The following PRKN variants were observed in gnomAD, a reference collection of about 807,000 sequenced individuals.
PRKN encodes E3 ubiquitin-protein ligase parkin.
Under a neutral mutation model 59.5 loss-of-function variants are expected in PRKN, and 56 were observed. The observed-to-expected ratio is 0.94, with a 90% CI of 0.76 to 1.18. The LOEUF (loss-of-function observed/expected upper bound fraction) is 1.18. Among genes scored for constraint, PRKN ranks in the 50% most tolerant of loss-of-function variants. The pLI is 0.00. For synonymous variants in PRKN, 250 were observed against 222.1 expected, an observed-to-expected ratio of 1.13 and a Z score of -1.12; for missense variants, 657 against 596.4, an observed-to-expected ratio of 1.10 and a Z score of -1.06.
Position 162,166,480 on chromosome 6 carries a change from C to G in PRKN, c.534+34651G>C, listed in dbSNP as rs1266923465. ...AGGGGCTGAGGCTGTACCACTATATCTTTGCCACAACTCATAACATTCCAC... is the reference window on the plus strand; with the variant it reads ...AGGGGCTGAGGCTGTACCACTATATGTTTGCCACAACTCATAACATTCCAC... On this transcript the variant is annotated intron_variant, in intron 4 of 11. Transcript: ENST00000366898. Among the ~76,000 whole-genome samples the G allele has an allele frequency of 3.3e-5, 5 of 152,180 alleles. No homozygotes were observed. The East Asian group carries it at 9.6e-4, about 29-fold the overall frequency.
intron 2 of PRKN, among the ~76,000 whole-genome samples, chr6:162,273,254 G>A (rs1780473970): frequency 6.6e-6 from 1 of 152,046 alleles, no homozygotes; most frequent in Non-Finnish European, 1.5e-5. Flanking sequence ...TGGGTTAAAG[G>A]GATCGAATGG....
At chr6:161,478,391 T>C (rs545571813) in intron 9 of PRKN, among the ~76,000 whole-genome samples, 1 of 152,376 alleles carries the variant, frequency 6.6e-6, no homozygotes, top group East Asian at 1.9e-4. Flanking sequence ...ATTGCACTTA[T>C]TAATAAAATA....
At chr6:161,853,523 TA>T (rs1392458556) in intron 6 of PRKN, among the ~76,000 whole-genome samples, 2 of 152,232 alleles carry the variant, frequency 1.3e-5, no homozygotes, top group African/African-American at 2.4e-5. Context: ...TGCTTTTATC[TA>T]AAGTATATGA....
At chr6:161,605,057 A>G (rs1254007614) in intron 7 of PRKN, among the ~76,000 whole-genome samples, 2 of 152,198 alleles carry the variant, frequency 1.3e-5, no homozygotes, top group African/African-American at 2.4e-5. Flanking sequence ...AATAAAATAC[A>G]GATTTAAATT....
intron 7 of PRKN, among the ~76,000 whole-genome samples, chr6:161,612,110 G>C (rs1391606523): frequency 6.6e-6 from 1 of 152,196 alleles, no homozygotes; most frequent in East Asian, 1.9e-4. Context: ...TGAGAGGTTG[G>C]CTCATGAAGC....
rs1292060518 is a variant in PRKN at position 162,567,993 on chromosome 6, GT to G, written c.8-124521del. On this transcript the variant is annotated intron_variant, in intron 1 of 11. Coordinates refer to ENST00000366898, the MANE Select transcript of PRKN (RefSeq NM_004562.3). ...TACAGCAAACTCATTTTTGACAAAA[GT>G]GCCAAGAACATACACTGGGAAAAAG... 2.0e-5 allele frequency among the ~76,000 whole-genome samples: 3 copies of G among 152,148 alleles called. No homozygotes were observed. The East Asian group carries it at 5.8e-4, about 29-fold the overall frequency.
intron 1 of PRKN, among the ~76,000 whole-genome samples, chr6:162,525,533 G>A (rs73037969): frequency 0.081 from 12,370 of 152,150 alleles, 543 homozygotes; most frequent in South Asian, 0.16. Context: ...CCATCTCCTC[G>A]ACTCCCTCCC....
chr6:162,443,408 G>A lies in PRKN; in HGVS notation c.73C>T (p.Gln25Ter), dbSNP rs1440010564. The change falls in exon 2 of 12, where the codon CAG becomes TAG. Residue 25 changes from glutamine (Q) to a stop codon, truncating the protein, a stop_gained. Transcript: ENST00000366898. LOFTEE classifies it high-confidence loss of function. Reference protein sequence around the residue: ...VEVDSDTSIFQLKEVVAKRQG... With the variant: ...VEVDSDTSIF ...CGCTTAGCAACCACCTCCTTGAGCT[G>A]GAAGATGCTGGTGTCAGAATCGACC... 1 of 1,614,054 alleles carries A rather than the reference G, an allele frequency of 6.2e-7. No homozygotes were observed. The highest frequency in any genetic ancestry group is 1.1e-5 in the South Asian group (1 of 91,074).
At chr6:162,095,089 C>T (rs563017776) in intron 4 of PRKN, among the ~76,000 whole-genome samples, 2 of 152,092 alleles carry the variant, frequency 1.3e-5, no homozygotes, top group African/African-American at 2.4e-5. Context: ...TGGGGTGAAG[C>T]CATCTTTCTA....
chr6:161,524,844 A>T (rs1434824882), intron 9 of PRKN, among the ~76,000 whole-genome samples: 1 of 152,096 alleles, frequency 6.6e-6, no homozygotes. Flanking sequence ...GGAGGGAGAC[A>T]CTCATCTGCT....
At chr6:161,415,155 G>T (rs550597154) in intron 9 of PRKN, among the ~76,000 whole-genome samples, 1 of 152,264 alleles carries the variant, frequency 6.6e-6, no homozygotes, top group Non-Finnish European at 1.5e-5. Context: ...CCGGAGAGGG[G>T]CACCAAGAGA....
At chr6:162,338,149 C>T (rs192319789) in intron 2 of PRKN, among the ~76,000 whole-genome samples, 62 of 152,240 alleles carry the variant, frequency 4.1e-4, no homozygotes, top group Non-Finnish European at 4.7e-4. Context: ...AAGGTTCTTA[C>T]CATCTCCAGG....
intron 6 of PRKN, among the ~76,000 whole-genome samples, chr6:161,814,244 T>C (rs776587865): frequency 2.0e-4 from 30 of 152,198 alleles, no homozygotes; most frequent in Admixed American, 1.1e-3. Context: ...TAAAATATTC[T>C]TCATAGTGAC....
At chr6:162,462,824 T>A (rs1003152635) in intron 1 of PRKN, among the ~76,000 whole-genome samples, 1 of 152,164 alleles carries the variant, frequency 6.6e-6, no homozygotes, top group African/African-American at 2.4e-5. Flanking sequence ...CTAGGTGCAG[T>A]GGCTCACGTC....
chr6:162,201,287 T>C, intron 3 of PRKN, 35 bp from the exon 4 acceptor site: 1 of 1,609,680 alleles, frequency 6.2e-7, no homozygotes, highest in South Asian at 1.1e-5. Context: ...TGGCTAATAA[T>C]GCTGCATCTA....
chr6:162,203,138 C>T (rs941635446), intron 3 of PRKN, among the ~76,000 whole-genome samples: 1 of 152,082 alleles, frequency 6.6e-6, no homozygotes, highest in Non-Finnish European at 1.5e-5. Flanking sequence ...CTTCTCTCTC[C>T]CTTAAGGCAA....
chr6:161,735,655 G>A (rs1160903664), intron 7 of PRKN, among the ~76,000 whole-genome samples: 5 of 152,014 alleles, frequency 3.3e-5, no homozygotes, highest in Admixed American at 1.3e-4. Context: ...GGTGGCTCAC[G>A]CCTGTAATCC....
intron 7 of PRKN, among the ~76,000 whole-genome samples, chr6:161,679,896 A>C (rs749749844): frequency 1.1e-4 from 16 of 151,716 alleles, no homozygotes; most frequent in Non-Finnish European, 2.2e-4. Context: ...CTGGGACTAC[A>C]GGCGCCTGCC....
At position 162,295,457 on chromosome 6, in the gene PRKN, G is replaced by C. The variant is rs1005767972; in HGVS notation, c.172-32692C>G. Reference sequence around the variant, plus strand: ...GGCCCTGTGGTCTGATACCACGTAAGGCACCCACAGCATCCCTCGCCAGCT... The same window carrying C: ...GGCCCTGTGGTCTGATACCACGTAACGCACCCACAGCATCCCTCGCCAGCT... On this transcript the variant is annotated intron_variant, in intron 2 of 11. Transcript: ENST00000366898. 3.9e-5 allele frequency among the ~76,000 whole-genome samples: 6 copies of C among 152,226 alleles called. No individual in the cohort carries two copies. The South Asian group carries it at 1.0e-3, about 26-fold the overall frequency.
Sources: allele counts gnomAD v4.1 joint callset (sites outside exome capture counted in the v4.1 genomes callset), GRCh38; gene constraint gnomAD v4.1.1; transcripts MANE v1.5; gene names NCBI Gene and HGNC (gene_info 2026-07-23, HGNC 2026-07-21).